The following TSHZ2 variants were observed in gnomAD, a reference collection of about 807,000 sequenced individuals.
TSHZ2 encodes teashirt zinc finger homeobox 2.
TSHZ2 carries 21 observed loss-of-function variants against 74.4 expected under a neutral mutation model. The ratio of observed to expected loss-of-function variants is 0.28; its 90% CI spans 0.20 to 0.41. The LOEUF (loss-of-function observed/expected upper bound fraction) is 0.41, where lower values mean the gene tolerates loss of function less well. Ranked by LOEUF, TSHZ2 falls within the 10% of genes least tolerant of loss-of-function variation. TSHZ2 has a pLI of 1.00. For missense variants in TSHZ2, 1,244 were observed against 1,293.5 expected (o/e 0.96, Z 0.59); for synonymous variants, 540 against 515.3 (o/e 1.05, Z -0.65).
At chr20:53,147,415 G>C (rs1243783999) in intron 1 of TSHZ2, among the ~76,000 whole-genome samples, 1 of 152,156 alleles carries the variant, frequency 6.6e-6, no homozygotes, top group African/African-American at 2.4e-5. Flanking sequence ...TACAAAAAAG[G>C]CATAGACACA....
At chr20:53,055,808 G>A (rs943801868) in intron 1 of TSHZ2, among the ~76,000 whole-genome samples, 1 of 152,136 alleles carries the variant, frequency 6.6e-6, no homozygotes, top group East Asian at 1.9e-4. Context: ...CCAGCCTGCA[G>A]TCTGGCTTTG....
rs1004606542 is a variant in TSHZ2, at chr20:53,001,203, T to TGC, written c.40+27872_40+27873dup. 4.1e-3 allele frequency among the ~76,000 whole-genome samples: 579 copies of TGC among 139,648 alleles called. 4 individuals carry two copies. The highest frequency in any genetic ancestry group is 0.014 in the African/African-American group (492 of 35,986). 91.6% of individuals were successfully genotyped at this position (139,648 alleles called of 152,430 possible). On this transcript the variant is annotated intron_variant, in intron 1 of 2. Transcript: ENST00000371497. ...TGACAATGTTGTGTGTGCGTTCATG[T>TGC]GCGTGTGTGTGTGTGTGTGTGTGTG...
intron 1 of TSHZ2, among the ~76,000 whole-genome samples, chr20:53,102,135 T>A (rs904973159): frequency 3.9e-5 from 6 of 152,116 alleles, no homozygotes; most frequent in Non-Finnish European, 5.9e-5. Context: ...CCTCTAGAAT[T>A]GTATTTTGAT....
At chr20:53,113,415 CATTT>C (rs1236335245) in intron 1 of TSHZ2, among the ~76,000 whole-genome samples, 1 of 152,124 alleles carries the variant, frequency 6.6e-6, no homozygotes, top group Non-Finnish European at 1.5e-5. Context: ...ATATTAAACC[CATTT>C]ATTTATTGTA....
chr20:53,125,362 T>G (rs1986919421), intron 1 of TSHZ2, among the ~76,000 whole-genome samples: 1 of 152,236 alleles, frequency 6.6e-6, no homozygotes, highest in Non-Finnish European at 1.5e-5. Context: ...TTACTCTCTC[T>G]GAGCCTCAGT....
chr20:53,047,487 T>C (rs1984270174), intron 1 of TSHZ2, among the ~76,000 whole-genome samples: 1 of 152,098 alleles, frequency 6.6e-6, no homozygotes, highest in African/African-American at 2.4e-5. Context: ...TTTTTAAAGA[T>C]ATAACCTGGA....
At chr20:53,235,161 C>T (rs534624471) in intron 1 of TSHZ2, among the ~76,000 whole-genome samples, 1 of 142,078 alleles carries the variant, frequency 7.0e-6, no homozygotes. Context: ...TGGGGGAGGG[C>T]GTGTTTGTTT....
chr20:53,302,378 T>C (rs1309661216), intron 2 of TSHZ2, among the ~76,000 whole-genome samples: 2 of 152,306 alleles, frequency 1.3e-5, no homozygotes, highest in East Asian at 3.9e-4. Flanking sequence ...TTTGGCCTTA[T>C]AAATCTGGAT....
chr20:53,385,642 G>A (rs1429649310), intron 2 of TSHZ2, among the ~76,000 whole-genome samples: 2 of 152,240 alleles, frequency 1.3e-5, no homozygotes, highest in Admixed American at 6.5e-5. Flanking sequence ...CGCTGTTAGG[G>A]CTCCAGTTTT....
intron 1 of TSHZ2, among the ~76,000 whole-genome samples, chr20:52,982,146 C>A (rs908844001): frequency 1.3e-5 from 2 of 152,144 alleles, no homozygotes; most frequent in African/African-American, 4.8e-5. Flanking sequence ...TGGGCTAAGT[C>A]CTGTTCCTTA....
chr20:53,091,375 T>C (rs1327482015), intron 1 of TSHZ2, among the ~76,000 whole-genome samples: 1 of 152,192 alleles, frequency 6.6e-6, no homozygotes, highest in African/African-American at 2.4e-5. Context: ...TTCTCTAGGT[T>C]TGTATGCCGC....
intron 2 of TSHZ2, among the ~76,000 whole-genome samples, chr20:53,441,879 G>A (rs1984346577): frequency 6.6e-6 from 1 of 152,232 alleles, no homozygotes; most frequent in Non-Finnish European, 1.5e-5. Flanking sequence ...ATCACTCCCA[G>A]CCTTTTCATT....
intron 1 of TSHZ2, among the ~76,000 whole-genome samples, chr20:53,043,179 G>T (rs184016040): frequency 1.3e-5 from 2 of 152,196 alleles, no homozygotes; most frequent in African/African-American, 4.8e-5. Context: ...TAAAAAAATT[G>T]CTGGAAAAAT....
At chr20:53,362,050 G>A (rs1441479177) in intron 2 of TSHZ2, among the ~76,000 whole-genome samples, 1 of 152,062 alleles carries the variant, frequency 6.6e-6, no homozygotes, top group Non-Finnish European at 1.5e-5. Flanking sequence ...CTCCCGAGTA[G>A]CTGGGGTTTC....
chr20:53,136,001 A>G (rs1987237589), intron 1 of TSHZ2, among the ~76,000 whole-genome samples: 1 of 152,250 alleles, frequency 6.6e-6, no homozygotes, highest in Non-Finnish European at 1.5e-5. Context: ...CAATTTACAG[A>G]GGAAATAAAT....
chr20:53,368,974 A>G (rs1282448646), intron 2 of TSHZ2, among the ~76,000 whole-genome samples: 1 of 152,204 alleles, frequency 6.6e-6, no homozygotes, highest in African/African-American at 2.4e-5. Flanking sequence ...TAAAGGATTC[A>G]GTAGAGGCCT....
intron 2 of TSHZ2, among the ~76,000 whole-genome samples, chr20:53,294,599 T>A (rs189670680): frequency 6.2e-4 from 94 of 152,272 alleles, no homozygotes; most frequent in African/African-American, 2.1e-3. Context: ...CTGTCATCAT[T>A]TTTTCCTGAG....
chr20:53,019,116 C>A lies in TSHZ2; in HGVS notation c.40+45783C>A, dbSNP rs186700223. On this transcript the variant is annotated intron_variant, in intron 1 of 2. Transcript: ENST00000371497. ...AATTGTAAGCAAAATGTGCTGTACT[C>A]TTTTCTGGCCACTTGGCACATAGGT... is the stretch of plus-strand genomic sequence containing the variant. 9.9e-5 allele frequency among the ~76,000 whole-genome samples: 15 copies of A among 152,274 alleles called. No homozygotes were observed. In the East Asian group the frequency reaches 2.9e-3, roughly 29 times the overall value.
chr20:53,367,136 C>T lies in TSHZ2; in HGVS notation c.*8+110565C>T, dbSNP rs1018796063. On this transcript the variant is annotated intron_variant, in intron 2 of 2. Transcript: ENST00000371497. ...CTCAGCCGGGCGTGGTGACTCATGC[C>T]TGTAATCCCAGCACTTTGGGAGGCT... Among the ~76,000 whole-genome samples the T allele has an allele frequency of 2.0e-5, 3 of 152,126 alleles. No homozygotes were observed. The South Asian group carries it at 6.2e-4, about 32-fold the overall frequency.
Sources: allele counts gnomAD v4.1 joint callset (sites outside exome capture counted in the v4.1 genomes callset), GRCh38; gene constraint gnomAD v4.1.1; transcripts MANE v1.5; gene names NCBI Gene and HGNC (gene_info 2026-07-23, HGNC 2026-07-21).